The following PDLIM5 variants were observed in gnomAD, a reference collection of about 807,000 sequenced individuals.
PDLIM5 encodes the protein PDZ and LIM domain protein 5.
PDLIM5 carries 34 observed loss-of-function variants against 64.2 expected under a neutral mutation model. That is an observed-to-expected ratio of 0.53 (90% CI 0.40 to 0.71). The LOEUF (loss-of-function observed/expected upper bound fraction) is 0.71. PDLIM5 is among the 30% of genes least tolerant of loss of function. The pLI, the probability that PDLIM5 is intolerant of heterozygous loss-of-function variation, is 0.00. For missense variants in PDLIM5, 683 were observed against 733.6 expected, an observed-to-expected ratio of 0.93 and a Z score of 0.80; for synonymous variants, 253 against 269.1, an observed-to-expected ratio of 0.94 and a Z score of 0.59.
At chr4:94,477,561 G>A (rs763650325) in intron 2 of PDLIM5, among the ~76,000 whole-genome samples, 9 of 152,170 alleles carry the variant, frequency 5.9e-5, no homozygotes, top group Non-Finnish European at 8.8e-5. Context: ...AAAAGAGTAA[G>A]ACTGGCTTTT....
chr4:94,588,582 A>G (rs1420613571), intron 7 of PDLIM5, among the ~76,000 whole-genome samples: 4 of 151,656 alleles, frequency 2.6e-5, no homozygotes, highest in East Asian at 3.9e-4. Context: ...TAAATAAATA[A>G]ATAAATAAAT....
At position 94,666,518 on chromosome 4, in the gene PDLIM5, C is replaced by T. The variant is rs1308674161; in HGVS notation, c.*2451C>T. On this transcript the variant is annotated 3_prime_UTR_variant, in exon 13 of 13. Transcript: ENST00000317968. ...TATAATGTACACTGTCACATCTTTACAGTCTTGTATGTTATAGAATACAAA... is the reference window on the plus strand; with the variant it reads ...TATAATGTACACTGTCACATCTTTATAGTCTTGTATGTTATAGAATACAAA... The T allele has an allele frequency of 2.0e-5, 3 of 153,682 alleles. No homozygotes were observed. The highest frequency in any genetic ancestry group is 4.8e-5 in the African/African-American group (2 of 41,466). 9.5% of individuals were successfully genotyped at this position (153,682 alleles called of 1,614,324 possible).
intron 2 of PDLIM5, among the ~76,000 whole-genome samples, chr4:94,486,821 G>C (rs1247823579): frequency 6.6e-6 from 1 of 152,118 alleles, no homozygotes; most frequent in African/African-American, 2.4e-5. Flanking sequence ...GGTCAACAGA[G>C]CAAGACCCTG....
At chr4:94,532,716 G>A (rs979987943) in intron 3 of PDLIM5, among the ~76,000 whole-genome samples, 1 of 152,088 alleles carries the variant, frequency 6.6e-6, no homozygotes, top group Non-Finnish European at 1.5e-5. Flanking sequence ...CAGTTTTAGG[G>A]GCCAGGCACT....
chr4:94,587,889 ATAAAT>A, intron 7 of PDLIM5: 2 of 896,378 alleles, frequency 2.2e-6, no homozygotes, highest in East Asian at 1.2e-4. Flanking sequence ...AGAACATAAA[ATAAAT>A]TACAATATGA....
intron 2 of PDLIM5, among the ~76,000 whole-genome samples, chr4:94,514,227 T>C (rs1032394638): frequency 2.7e-5 from 4 of 150,546 alleles, no homozygotes; most frequent in African/African-American, 9.8e-5. Flanking sequence ...CTCTGCCTCC[T>C]GGGTTCATGC....
intron 3 of PDLIM5, among the ~76,000 whole-genome samples, chr4:94,567,112 C>T (rs927018895): frequency 3.9e-5 from 6 of 152,208 alleles, no homozygotes; most frequent in East Asian, 1.9e-4. Context: ...CCTGCTTCAG[C>T]CTCCCGAGTA....
intron 8 of PDLIM5, among the ~76,000 whole-genome samples, chr4:94,636,602 G>GATCTTGGCTCACTGCA (rs528076007): frequency 0.013 from 2,012 of 149,114 alleles, 55 homozygotes; most frequent in African/African-American, 0.047. Context: ...GCAGTGGTGC[G>GATCTTGGCTCACTGCA]ATCTTGGCTC....
chr4:94,505,317 G>A (rs1181105534), intron 2 of PDLIM5, among the ~76,000 whole-genome samples: 2 of 151,790 alleles, frequency 1.3e-5, no homozygotes, highest in African/African-American at 4.8e-5. Flanking sequence ...GGAGTGCAGT[G>A]GCGTGATCTC....
rs750586903 is a variant in PDLIM5, at chr4:94,523,884, C to T, written c.248+9C>T. The T allele has an allele frequency of 6.2e-7, 1 of 1,605,746 alleles. No homozygotes were observed. The highest frequency in any genetic ancestry group is 1.1e-5 in the South Asian group (1 of 90,330). ...AATATGACTCTGCAAAGGTAAGTTGCTTTTTGTTTGTCCCTGAAAGAGAAA... is the reference window on the plus strand; with the variant it reads ...AATATGACTCTGCAAAGGTAAGTTGTTTTTTGTTTGTCCCTGAAAGAGAAA... On this transcript the variant is annotated intron_variant, in intron 3 of 12. Coordinates refer to ENST00000317968, the MANE Select transcript of PDLIM5 (RefSeq NM_006457.5).
At chr4:94,610,040 A>G (rs1738237777) in intron 7 of PDLIM5, 1 of 601,256 alleles carries the variant, frequency 1.7e-6, no homozygotes, top group Non-Finnish European at 2.9e-6. Context: ...CACTTCTTAC[A>G]CTTCACACTT....
At chr4:94,479,117 C>G (rs548804717) in intron 2 of PDLIM5, among the ~76,000 whole-genome samples, 1 of 150,248 alleles carries the variant, frequency 6.7e-6, no homozygotes, top group Non-Finnish European at 1.5e-5. Context: ...CCAGGCTGGC[C>G]TCAAACTCCT....
At chr4:94,563,665 G>A (rs550494888) in intron 3 of PDLIM5, among the ~76,000 whole-genome samples, 28 of 152,316 alleles carry the variant, frequency 1.8e-4, no homozygotes, top group African/African-American at 6.7e-4. Flanking sequence ...AAAAAGAGAT[G>A]TGCCTCTGGT....
chr4:94,643,470 A>AT (rs142969482), intron 9 of PDLIM5, among the ~76,000 whole-genome samples: 5,752 of 152,214 alleles, frequency 0.038, 377 homozygotes, highest in African/African-American at 0.13. Context: ...CCAAAATCAT[A>AT]TTTCAGTTTC....
At chr4:94,494,432 G>GGTTTTTTGTTTT (rs1553940971) in intron 2 of PDLIM5, among the ~76,000 whole-genome samples, 1 of 70,772 alleles carries the variant, frequency 1.4e-5, no homozygotes, top group Non-Finnish European at 2.8e-5. Context: ...TTTTTTTCTT[G>GGTTTTTTGTTTT]TTTTTTTTTT....
intron 1 of PDLIM5, among the ~76,000 whole-genome samples, chr4:94,452,556 G>T (rs1047803941): frequency 1.8e-4 from 28 of 152,360 alleles, no homozygotes; most frequent in Non-Finnish European, 1.5e-5. Context: ...ACTTCTGCGC[G>T]TCCAGAAATA....
chr4:94,653,901 G>T (rs1019076860), intron 9 of PDLIM5, among the ~76,000 whole-genome samples: 3 of 152,252 alleles, frequency 2.0e-5, no homozygotes, highest in South Asian at 2.1e-4. Context: ...GGAGGGTGAG[G>T]ACTTGATGTG....
At chr4:94,642,874 T>C (rs1741109159) in intron 9 of PDLIM5, among the ~76,000 whole-genome samples, 4 of 152,202 alleles carry the variant, frequency 2.6e-5, no homozygotes, top group South Asian at 2.1e-4. Context: ...CAGACTATTA[T>C]ACCCTAGCAA....
intron 3 of PDLIM5, among the ~76,000 whole-genome samples, chr4:94,566,538 T>TA (rs1414039431): frequency 2.0e-5 from 3 of 152,216 alleles, no homozygotes; most frequent in Middle Eastern, 3.2e-3. Flanking sequence ...CTCCACCAGA[T>TA]ATGTTACATA....
Sources: allele counts gnomAD v4.1 joint callset (sites outside exome capture counted in the v4.1 genomes callset), GRCh38; gene constraint gnomAD v4.1.1; transcripts MANE v1.5; gene names NCBI Gene and HGNC (gene_info 2026-07-23, HGNC 2026-07-21).